The following LRCH4 variants were observed in gnomAD, a reference collection of about 807,000 sequenced individuals.
LRCH4 encodes the protein leucine-rich repeat and calponin homology domain-containing protein 4.
LRCH4 carries 56 observed loss-of-function variants against 81.2 expected under a neutral mutation model. The observed-to-expected ratio is 0.69, with a 90% CI of 0.56 to 0.86. The LOEUF is 0.86. Among genes scored for constraint, LRCH4 ranks in the 40% least tolerant of loss-of-function variants. The pLI is 0.00. For missense variants in LRCH4, 895 were observed against 922.8 expected (o/e 0.97, Z 0.39); for synonymous variants, 442 against 409.7 (o/e 1.08, Z -0.95).
chr7:100,575,193 G>T lies in LRCH4; in HGVS notation c.1966C>A (p.Pro656Thr). ...ACGACGAAGCCGCCCAGACCAGAGG[G>T]GGGCCAGAGGGGCGGTAGGGCCTTG... is the stretch of plus-strand genomic sequence containing the variant. Reference protein sequence around the residue: ...GGKALPPLWPPSGLGGFVVFY... With the variant: ...GGKALPPLWPTSGLGGFVVFY... The change falls in exon 18 of 18, where the codon CCC (proline) becomes ACC (threonine). Residue 656 changes from proline (P) to threonine (T), a missense_variant. Coordinates refer to ENST00000310300, the MANE Select transcript of LRCH4 (RefSeq NM_002319.5). The surrounding 1 kb of genome is among the most constrained non-coding windows in gnomAD (Gnocchi z 5.3). The T allele has an allele frequency of 6.2e-7, 1 of 1,612,764 alleles. No individual in the cohort carries two copies. Among genetic ancestry groups the T allele is most frequent in the Non-Finnish European group, 8.5e-7 (1 of 1,179,422 alleles).
rs1584401540 is a variant in LRCH4 at position 100,574,694 on chromosome 7, C to A, written c.*413G>T. On this transcript the variant is annotated 3_prime_UTR_variant, in exon 18 of 18. Coordinates refer to ENST00000310300, the MANE Select transcript of LRCH4 (RefSeq NM_002319.5). ...TACAGTTTATACACAGAGATAGGGA[C>A]CCGGCCTGGGCCCCGAACCCCTACA... 5.5e-6 allele frequency: 1 copy of A among 183,318 alleles called. No homozygotes were observed. Among genetic ancestry groups the A allele is most frequent in the Non-Finnish European group, 1.2e-5 (1 of 85,774 alleles). The allele number at this position is 183,318 out of a possible 1,614,324, so 11.4% of individuals were successfully genotyped here.
rs1801595987 is a variant in LRCH4 at position 100,582,594 on chromosome 7, G to A, written c.221-135C>T. 1.1e-6 allele frequency: 1 copy of A among 888,738 alleles called. No individual in the cohort carries two copies. The highest frequency in any genetic ancestry group is 1.7e-6 in the Non-Finnish European group (1 of 585,858). 55.1% of individuals were successfully genotyped at this position (888,738 alleles called of 1,614,324 possible). A position where few individuals can be genotyped will look rare whatever the true frequency, so the allele number is the denominator to read the frequency against. ...CAAGGCCATCAATGTGGCCTCCCAGGAGAGATAACAAAGCCTTCTGCCAAC... is the reference window on the plus strand; with the variant it reads ...CAAGGCCATCAATGTGGCCTCCCAGAAGAGATAACAAAGCCTTCTGCCAAC... On this transcript the variant is annotated intron_variant, in intron 1 of 17. Coordinates refer to ENST00000310300, the MANE Select transcript of LRCH4 (RefSeq NM_002319.5). This position sits in a 1 kb window ranked among gnomAD's most constrained non-coding sequence, Gnocchi z 5.0.
At position 100,582,766 on chromosome 7, in the gene LRCH4, T is replaced by C. The variant is rs1266318162; in HGVS notation, c.221-307A>G. On this transcript the variant is annotated intron_variant, in intron 1 of 17. Transcript: ENST00000310300. The surrounding 1 kb of genome is among the most constrained non-coding windows in gnomAD (Gnocchi z 5.0). ...CAGCTGGAATCTCTAACTCCTGTGG[T>C]TCCTGTTCAGAGATGCCAGGTGAGG... Among the ~76,000 whole-genome samples the C allele has an allele frequency of 3.3e-5, 5 of 152,152 alleles. No homozygotes were observed. The highest frequency in any genetic ancestry group is 2.0e-4 in the Admixed American group (3 of 15,280).
chr7:100,577,422 C>A lies in LRCH4; in HGVS notation c.1179-33G>T. On this transcript the variant is annotated intron_variant, in intron 10 of 17. Coordinates refer to ENST00000310300, the MANE Select transcript of LRCH4 (RefSeq NM_002319.5). This position sits in a 1 kb window ranked among gnomAD's most constrained non-coding sequence, Gnocchi z 6.7. Reference sequence around the variant, plus strand: ...ACCAAGACAGGGCAAGAGGGGCAGACCCCGGGGTCAGGGAAGGAGGCGGTT... The same window carrying A: ...ACCAAGACAGGGCAAGAGGGGCAGAACCCGGGGTCAGGGAAGGAGGCGGTT... The A allele has an allele frequency of 6.2e-7, 1 of 1,600,514 alleles. No individual in the cohort carries two copies.
Position 100,575,118 on chromosome 7 carries a change from G to A in LRCH4, c.2041C>T (p.Leu681=). 1.2e-6 allele frequency: 2 copies of A among 1,609,020 alleles called. No individual in the cohort carries two copies. Among genetic ancestry groups the A allele is most frequent in the South Asian group, 2.2e-5 (2 of 90,790 alleles). The change falls in exon 18 of 18, where the codon CTG becomes TTG. Residue 681 remains leucine, a synonymous_variant. Transcript: ENST00000310300. This position sits in a 1 kb window ranked among gnomAD's most constrained non-coding sequence, Gnocchi z 5.3. ...LLLYVTYTRL[L]GS ...GCCGATTTTGGGGCCTAGGAACCCA[G>A]GAGCCGAGTGTAGGTGACATAGAGC...
intron 1 of LRCH4, among the ~76,000 whole-genome samples, chr7:100,585,561 G>A (rs1015381367): frequency 1.3e-5 from 2 of 152,078 alleles, no homozygotes; most frequent in African/African-American, 2.4e-5. Context: ...TGGAGCTGAG[G>A]TTAAGAGATC....
At chr7:100,579,186 G>A (rs999933071) in intron 4 of LRCH4, 9 of 211,646 alleles carry the variant, frequency 4.3e-5, no homozygotes, top group African/African-American at 2.1e-4. Context: ...CAGGGCTGCA[G>A]ATGTTGAGCG....
Position 100,576,747 on chromosome 7 carries a change from G to A in LRCH4, c.1499C>T (p.Ser500Phe), listed in dbSNP as rs776533200. 1 of 1,598,100 alleles carries A rather than the reference G, an allele frequency of 6.3e-7. No individual in the cohort carries two copies. The highest frequency in any genetic ancestry group is 1.1e-5 in the South Asian group (1 of 88,382). Residue 500 changes from serine (S) to phenylalanine (F), a missense_variant, in exon 14 of 18, where the codon TCC becomes TTC. Ser to Phe is a radical substitution (Grantham distance 155). This residue lies in a region of LRCH4 where 529 missense variants were observed against 504.9 expected (regional missense o/e 1.05). Transcript: ENST00000310300. ...GAGGAAGCTGTTTGGTCTCTGAATG[G>A]AGCCAAGTGGCCGTGGAGCAGGTGC... The part of the protein sequence containing the change: ...ATAPAPRPLG[S>F]IQRPNSFLFR...
chr7:100,580,012 G>A (rs1453199349), intron 4 of LRCH4: 3 of 152,192 alleles, frequency 2.0e-5, no homozygotes, highest in African/African-American at 4.8e-5. Context: ...GGAGTAGGGA[G>A]ACAGGGAAAG....
intron 4 of LRCH4, among the ~76,000 whole-genome samples, chr7:100,581,067 A>G (rs1455479300): frequency 6.6e-6 from 1 of 152,172 alleles, no homozygotes; most frequent in African/African-American, 2.4e-5. Flanking sequence ...GGAGTGGCGG[A>G]GCATCCCGAC....
Position 100,578,711 on chromosome 7 carries a change from C to A in LRCH4, c.674G>T (p.Arg225Leu). The change falls in exon 5 of 18, where the codon CGC becomes CTC. Residue 225 changes from arginine (R) to leucine (L), a missense_variant. By Grantham distance (102) the Arg-to-Leu change is moderately radical. Transcript: ENST00000310300. This position sits in a 1 kb window ranked among gnomAD's most constrained non-coding sequence, Gnocchi z 5.7. The part of the protein sequence containing the change: ...RVSRIPVSFC[R>L]LRHLQVILLD... ...CAGAATGACCTGCAGGTGCCTCAGG[C>A]GGCAGAAGGAGACTGGGATTCGGGA... 6.2e-7 allele frequency: 1 copy of A among 1,614,124 alleles called. No homozygotes were observed. The highest frequency in any genetic ancestry group is 8.5e-7 in the Non-Finnish European group (1 of 1,180,016).
intron 1 of LRCH4, chr7:100,584,278 G>T: frequency 6.6e-6 from 3 of 455,862 alleles, no homozygotes; most frequent in South Asian, 4.6e-5. Context: ...GAGAATTCTG[G>T]ACAAGAGGGA....
rs1801581200 is a variant in LRCH4 at position 100,582,218 on chromosome 7, G to A, written c.366-51C>T. ...CTGGCTCCCCAGGCATGGCATCCCA[G>A]CACTGCCATCCTCTCGGGGTCACTG... On this transcript the variant is annotated intron_variant, in intron 2 of 17. Coordinates refer to ENST00000310300, the MANE Select transcript of LRCH4 (RefSeq NM_002319.5). The surrounding 1 kb of genome is among the most constrained non-coding windows in gnomAD (Gnocchi z 5.0). 10 of 1,613,216 alleles carry A rather than the reference G, an allele frequency of 6.2e-6. No individual in the cohort carries two copies. The highest frequency in any genetic ancestry group is 3.3e-5 in the Admixed American group (2 of 59,940).
rs763806094 is a variant in LRCH4, at chr7:100,575,891, G to A, written c.1756C>T (p.His586Tyr). 4 of 1,613,764 alleles carry A rather than the reference G, an allele frequency of 2.5e-6. No individual in the cohort carries two copies. Among genetic ancestry groups the A allele is most frequent in the South Asian group, 2.2e-5 (2 of 91,050 alleles). ...QLRPRSVPFI[H>Y]VPSPAVPKLS... ...CTGACCACAGCAGGGGAGGGCACATGGATGAAGGGCACGGAGCGCGGCCGT... is the reference window on the plus strand; with the variant it reads ...CTGACCACAGCAGGGGAGGGCACATAGATGAAGGGCACGGAGCGCGGCCGT... The change falls in exon 16 of 18, where the codon CAT (histidine) becomes TAT (tyrosine). Residue 586 changes from histidine to tyrosine, a missense_variant. Transcript: ENST00000310300. This position sits in a 1 kb window ranked among gnomAD's most constrained non-coding sequence, Gnocchi z 5.3.
intron 4 of LRCH4, chr7:100,580,445 C>CACACACACACACAA (rs545341427): frequency 7.4e-6 from 1 of 135,690 alleles, no homozygotes; most frequent in Non-Finnish European, 1.6e-5. Context: ...CACACACACA[C>CACACACACACACAA]AAAACCCACA....
intron 4 of LRCH4, chr7:100,581,528 CAG>C (rs1801555597): frequency 4.6e-6 from 2 of 435,760 alleles, no homozygotes; most frequent in East Asian, 4.3e-5. Flanking sequence ...AAAGAGGCCC[CAG>C]AGGGCTGTCT....
chr7:100,578,899 C>A lies in LRCH4; in HGVS notation c.599-113G>T, dbSNP rs1801453128. The A allele has an allele frequency of 3.4e-6, 4 of 1,185,686 alleles. No individual in the cohort carries two copies. In the Admixed American group the frequency reaches 9.3e-5, roughly 28 times the overall value. The allele number at this position is 1,185,686 out of a possible 1,614,324, so 73.4% of individuals were successfully genotyped here. ...AGTCACCCTGGGCCCAGCACAGCCT[C>A]TCCCCTGGGTGGCTCAAGTCATTCC... On this transcript the variant is annotated intron_variant, in intron 4 of 17. Transcript: ENST00000310300. This position sits in a 1 kb window ranked among gnomAD's most constrained non-coding sequence, Gnocchi z 5.7.
rs1220122713 is a variant in LRCH4 at position 100,585,973 on chromosome 7, G to A, written c.128C>T (p.Ala43Val). The change falls in exon 1 of 18, where the codon GCC becomes GTC. Residue 43 changes from alanine (A) to valine (V), a missense_variant. Around this residue, in one of 3 missense-constraint regions of LRCH4, gnomAD observed 360 missense variants for 397.0 expected, o/e 0.91. Coordinates refer to ENST00000310300, the MANE Select transcript of LRCH4 (RefSeq NM_002319.5). ...GTTAGACAGGTTCAGGGTCCCGGTG[G>A]CCACGGCCTCCTCTAGGGCCCGCTC... The part of the protein sequence containing the change: ...SAERALEEAV[A>V]TGTLNLSNRR... The A allele has an allele frequency of 1.9e-6, 3 of 1,612,248 alleles. No individual in the cohort carries two copies. The highest frequency in any genetic ancestry group is 2.5e-6 in the Non-Finnish European group (3 of 1,179,028).
At chr7:100,584,188 G>A (rs1461680830) in intron 1 of LRCH4, 1 of 456,592 alleles carries the variant, frequency 2.2e-6, no homozygotes, top group South Asian at 1.5e-5. Flanking sequence ...GGCGAGGAGA[G>A]ATGGAGGGCA....
Sources: gnomAD v4.1 joint callset for allele counts (sites outside exome capture counted in the v4.1 genomes callset) on GRCh38, gnomAD v4.1.1 for gene constraint, gnomAD v4.1.1 regional missense constraint, Gnocchi (gnomAD v3.1) non-coding constraint, MANE v1.5 for transcripts, NCBI Gene and HGNC (gene_info 2026-07-23, HGNC 2026-07-21) for gene names.